The following EPG5 variants were observed in gnomAD, a reference collection of about 807,000 sequenced individuals.
The protein encoded by EPG5 is ectopic P granules protein 5 homolog.
EPG5 carries 159 observed loss-of-function variants against 302.7 expected under a neutral mutation model. The observed-to-expected ratio is 0.53, with a 90% confidence interval of 0.46 to 0.60. The LOEUF (loss-of-function observed/expected upper bound fraction) is 0.60. Ranked by LOEUF, EPG5 falls within the 20% of genes least tolerant of loss-of-function variation. The pLI, the probability that EPG5 is intolerant of heterozygous loss-of-function variation, is 0.00. For synonymous variants in EPG5, 1,158 were observed against 1,136.8 expected (o/e 1.02, Z -0.37); for missense variants, 2,896 against 3,092.4 (o/e 0.94, Z 1.51).
the EPG5 span, among the ~76,000 whole-genome samples, chr18:45,801,030 T>TG: frequency 6.6e-6 from 1 of 152,062 alleles, no homozygotes. Context: ...GTGTTTTGAA[T>TG]GGGGGGTTGT....
At chr18:45,828,218 G>T in the EPG5 span, among the ~76,000 whole-genome samples, 1 of 152,184 alleles carries the variant, frequency 6.6e-6, no homozygotes, top group Non-Finnish European at 1.5e-5. Context: ...GCCAGTCGTG[G>T]TCCCTTCCCT....
the EPG5 span, among the ~76,000 whole-genome samples, chr18:45,803,204 C>T: frequency 6.6e-6 from 1 of 152,120 alleles, no homozygotes. Flanking sequence ...TGGGATGAGG[C>T]CAGAAGAGCC....
intron 43 of EPG5, among the ~76,000 whole-genome samples, chr18:45,853,543 A>G (rs527847957): frequency 3.4e-4 from 52 of 152,334 alleles, no homozygotes; most frequent in Non-Finnish European, 1.8e-4. Context: ...TCACTGGGGC[A>G]CATCCCCCAC....
chr18:45,929,925 C>T (rs1030735459), intron 12 of EPG5, among the ~76,000 whole-genome samples: 1 of 152,190 alleles, frequency 6.6e-6, no homozygotes, highest in African/African-American at 2.4e-5. Context: ...AAATAATCAT[C>T]TTCAAACATA....
At chr18:45,829,565 C>A in the EPG5 span, among the ~76,000 whole-genome samples, 1 of 152,144 alleles carries the variant, frequency 6.6e-6, no homozygotes, top group Admixed American at 6.5e-5. Context: ...TCTCTCCTTG[C>A]CCTCAAAATG....
chr18:45,838,998 C>A, the EPG5 span: 3 of 1,596,288 alleles, frequency 1.9e-6, no homozygotes, highest in Admixed American at 3.4e-5. Context: ...ATGGCGCCAG[C>A]GGGGCCTCGA....
At position 45,889,933 on chromosome 18, in the gene EPG5, C is replaced by T. The variant is rs1244505539; in HGVS notation, c.4817G>A (p.Gly1606Asp). The T allele has an allele frequency of 1.9e-6, 3 of 1,573,198 alleles. No individual in the cohort carries two copies. The highest frequency in any genetic ancestry group is 1.4e-5 in the African/African-American group (1 of 73,648). ...GAAVVTVQFE[G>D]MHKNEAISQQ... Reference sequence around the variant, plus strand: ...GCTTATGGCTTCATTCTTATGCATGCCTTCAAACTAACAAAAATTAAAGTT... The same window carrying T: ...GCTTATGGCTTCATTCTTATGCATGTCTTCAAACTAACAAAAATTAAAGTT... The change falls in exon 28 of 44, where the codon GGC (glycine) becomes GAC (aspartate). Residue 1606 changes from glycine (G) to aspartate (D), a missense_variant. Transcript: ENST00000282041.
chr18:45,855,524 T>C, intron 43 of EPG5, 49 bp downstream of exon 43: 1 of 1,378,670 alleles, frequency 7.3e-7, no homozygotes, highest in South Asian at 1.2e-5. Context: ...CCCTGCCTTC[T>C]AGGGAAGATG....
chr18:45,955,272 T>C lies in EPG5; in HGVS notation c.130A>G (p.Arg44Gly). 1.9e-6 allele frequency: 3 copies of C among 1,614,010 alleles called. No homozygotes were observed. Among genetic ancestry groups the C allele is most frequent in the Non-Finnish European group, 1.7e-6 (2 of 1,179,946 alleles). ...SSEVSLPKTS[R>G]EQEIPSLACE... ...GCTAGAGAAGGGATTTCCTGCTCTC[T>C]GGAGGTTTTTGGAAGGGAGACTTCA... Residue 44 changes from arginine to glycine, a missense_variant, in exon 2 of 44, where the codon AGA (arginine) becomes GGA (glycine). Coordinates refer to ENST00000282041, the MANE Select transcript of EPG5 (RefSeq NM_020964.3).
In EPG5 at chr18:45,899,583, G is replaced by A. The variant is rs1231572507; in HGVS notation, c.4647-17C>T. ...GCTGCGGTTCTGAAAAACATCATCAGGAGGTAAAAGAAAGTCTTAGGAAAG... is the reference window on the plus strand; with the variant it reads ...GCTGCGGTTCTGAAAAACATCATCAAGAGGTAAAAGAAAGTCTTAGGAAAG... On this transcript the variant is annotated splice_polypyrimidine_tract_variant and intron_variant, in intron 26 of 43. Transcript: ENST00000282041. 1 of 1,613,422 alleles carries A rather than the reference G, an allele frequency of 6.2e-7. No individual in the cohort carries two copies.
At chr18:45,885,105 G>A (rs190607686) in intron 29 of EPG5, among the ~76,000 whole-genome samples, 5 of 152,274 alleles carry the variant, frequency 3.3e-5, no homozygotes, top group African/African-American at 9.6e-5. Context: ...TTGGGAGGCC[G>A]AGGCAGGCGG....
rs778569508 is a variant in EPG5 at position 45,912,443 on chromosome 18, T to C, written c.3830A>G (p.Gln1277Arg). The C allele has an allele frequency of 6.3e-7, 1 of 1,599,966 alleles. No homozygotes were observed. Among genetic ancestry groups the C allele is most frequent in the Non-Finnish European group, 8.5e-7 (1 of 1,175,264 alleles). ...PDQALKKAQT[Q>R]LKLPIVPSLQ... ...GGATGGCACGATGGGGAGCTTCAGC[T>C]GGGTCTGGGCTTTCTACAAAAAAGA... Residue 1277 changes from glutamine (Q) to arginine (R), a missense_variant, in exon 22 of 44, where the codon CAG becomes CGG. Coordinates refer to ENST00000282041, the MANE Select transcript of EPG5 (RefSeq NM_020964.3).
rs1223412194 is a variant in EPG5, at chr18:45,954,988, G to A, written c.414C>T (p.Phe138=). ...CCGACATATTTTCCTCTACCTCTGTGAAGTTCTTGGGGGTTTCTACTTTAG... is the reference window on the plus strand; with the variant it reads ...CCGACATATTTTCCTCTACCTCTGTAAAGTTCTTGGGGGTTTCTACTTTAG... ...VGTKVETPKN[F]TEVEENMSVQ... The change falls in exon 2 of 44, where the codon TTC becomes TTT. Residue 138 remains phenylalanine (F), a synonymous_variant. Coordinates refer to ENST00000282041, the MANE Select transcript of EPG5 (RefSeq NM_020964.3). 1.9e-6 allele frequency: 3 copies of A among 1,614,182 alleles called. No individual in the cohort carries two copies. The highest frequency in any genetic ancestry group is 1.7e-6 in the Non-Finnish European group (2 of 1,180,034).
At chr18:45,835,489 T>C in the EPG5 span, among the ~76,000 whole-genome samples, 1 of 151,950 alleles carries the variant, frequency 6.6e-6, no homozygotes, top group Non-Finnish European at 1.5e-5. Context: ...TGGCTAGAGA[T>C]TAGGCAGCTC....
Position 45,922,380 on chromosome 18 carries a change from C to T in EPG5, c.3059G>A (p.Gly1020Asp). Residue 1020 changes from glycine (G) to aspartate (D), a missense_variant, in exon 16 of 44, where the codon GGC becomes GAC. Coordinates refer to ENST00000282041, the MANE Select transcript of EPG5 (RefSeq NM_020964.3). ...TGTCATAGATAAGGCTAGATAACAG[C>T]CAATGGGCATGCCCGCTTTCACAGC... ...LKAVKAGMPI[G>D]CYLALSMTAV... 6.2e-7 allele frequency: 1 copy of T among 1,614,186 alleles called. No homozygotes were observed.
Position 45,939,614 on chromosome 18 carries a change from C to G in EPG5, c.2085G>C (p.Val695=). ...DELFLRAVLH[V]LKAKRLGIWL... is the part of the protein sequence containing the mutation. ...GTCTTACTTACCTTTTGGCCTTCAG[C>G]ACATGTAGGACAGCCCTCAAAAACA... The change falls in exon 10 of 44, where the codon GTG becomes GTC. Residue 695 remains valine (V), a synonymous_variant. Transcript: ENST00000282041. The G allele has an allele frequency of 2.5e-6, 4 of 1,614,046 alleles. No individual in the cohort carries two copies. In the Middle Eastern group the frequency reaches 6.6e-4, roughly 267 times the overall value.
chr18:45,939,548 T>G, intron 10 of EPG5, 52 bp downstream of exon 10: 1 of 1,565,384 alleles, frequency 6.4e-7, no homozygotes, highest in Non-Finnish European at 8.8e-7. Context: ...CGAATGGTTC[T>G]TACTAGTGAG....
intron 30 of EPG5, among the ~76,000 whole-genome samples, chr18:45,883,941 A>C (rs1372403656): frequency 6.6e-6 from 1 of 150,532 alleles, no homozygotes; most frequent in African/African-American, 2.4e-5. Context: ...ATAAAATATT[A>C]AAGTTAATAT....
At chr18:45,948,318 A>G (rs1054958993) in intron 6 of EPG5, among the ~76,000 whole-genome samples, 185 bp downstream of exon 6, 1 of 152,248 alleles carries the variant, frequency 6.6e-6, no homozygotes, top group African/African-American at 2.4e-5. Flanking sequence ...GGTTGCTTAT[A>G]TATAAGCAGT....
Sources: gnomAD v4.1 joint callset for allele counts (sites outside exome capture counted in the v4.1 genomes callset) on GRCh38, gnomAD v4.1.1 for gene constraint, MANE v1.5 for transcripts, NCBI Gene and HGNC (gene_info 2026-07-23, HGNC 2026-07-21) for gene names.